The following OSGEPL1 variants were observed in gnomAD, a reference collection of about 807,000 sequenced individuals.
The protein encoded by OSGEPL1 is tRNA N6-adenosine threonylcarbamoyltransferase, mitochondrial.
In OSGEPL1, 26 loss-of-function variants were observed where a neutral mutation model predicts 37.2. The observed-to-expected ratio is 0.70, with a 90% CI of 0.51 to 0.97. The LOEUF (loss-of-function observed/expected upper bound fraction) is 0.97. OSGEPL1 is among the 50% of genes least tolerant of loss of function. OSGEPL1 has a pLI of 0.00. For synonymous variants in OSGEPL1, 140 were observed against 159.9 expected (o/e 0.88, Z 0.94); for missense variants, 404 against 487.0 (o/e 0.83, Z 1.60).
At chr2:189,749,244 TAAAAA>T (rs397987026) in intron 8 of OSGEPL1, among the ~76,000 whole-genome samples, 3 of 63,254 alleles carry the variant, frequency 4.7e-5, no homozygotes, top group Non-Finnish European at 8.0e-5. Flanking sequence ...AGACTCTGTC[TAAAAA>T]AAAAAAAAAA....
chr2:189,750,776 G>T, intron 7 of OSGEPL1, 120 bp from the exon 8 acceptor site: 1 of 663,402 alleles, frequency 1.5e-6, no homozygotes, highest in Non-Finnish European at 2.4e-6. Context: ...CATCATATGT[G>T]GTGATGATTC....
chr2:189,762,616 G>A (rs1020404117), intron 1 of OSGEPL1, 69 bp downstream of exon 1: 3 of 985,448 alleles, frequency 3.0e-6, no homozygotes, highest in Non-Finnish European at 3.6e-6. Context: ...GGCGACGGGC[G>A]CAAACTGGAA....
Position 189,750,566 on chromosome 2 carries a change from GA to G in OSGEPL1, c.*11del. On this transcript the variant is annotated 3_prime_UTR_variant, in exon 8 of 9. Coordinates refer to ENST00000264151, the MANE Select transcript of OSGEPL1 (RefSeq NM_022353.3). The stretch of plus-strand genomic sequence containing the variant: ...TAATACTACCTTTAGGGACTTTTTT[GA>G]ACAGCAGAAATCATATCTCCATTTT... The G allele has an allele frequency of 6.7e-7, 1 of 1,482,506 alleles. No individual in the cohort carries two copies. Among genetic ancestry groups the G allele is most frequent in the Non-Finnish European group, 9.3e-7 (1 of 1,078,190 alleles). The allele number at this position is 1,482,506 out of a possible 1,614,324, so 91.8% of individuals were successfully genotyped here.
chr2:189,759,693 A>C (rs894266079), intron 2 of OSGEPL1, among the ~76,000 whole-genome samples: 1 of 152,134 alleles, frequency 6.6e-6, no homozygotes, highest in Admixed American at 6.5e-5. Context: ...CACTATTCAG[A>C]TGTTGTAAAT....
chr2:189,753,768 T>TA, intron 5 of OSGEPL1, 148 bp downstream of exon 5: 2 of 827,470 alleles, frequency 2.4e-6, no homozygotes, highest in Non-Finnish European at 3.6e-6. Flanking sequence ...AAATGGCTGT[T>TA]AGTCTTTCCT....
intron 1 of OSGEPL1, 88 bp downstream of exon 1, chr2:189,762,597 C>T (rs1352069682): frequency 2.0e-6 from 2 of 985,340 alleles, no homozygotes; most frequent in Non-Finnish European, 2.4e-6. Flanking sequence ...CTCCTGTCGG[C>T]TGTAAGGCGG....
At chr2:189,750,413 A>G in intron 8 of OSGEPL1, 137 bp downstream of exon 8, 1 of 487,414 alleles carries the variant, frequency 2.1e-6, no homozygotes. Context: ...CTTTTAACAC[A>G]TTATAGTATC....
chr2:189,751,535 C>T (rs139896291), intron 7 of OSGEPL1, among the ~76,000 whole-genome samples: 5 of 149,402 alleles, frequency 3.3e-5, no homozygotes, highest in East Asian at 2.0e-4. Flanking sequence ...ACCTCCACCT[C>T]GAGGATTCAG....
chr2:189,752,354 T>C (rs2045400562), intron 7 of OSGEPL1, among the ~76,000 whole-genome samples: 1 of 152,146 alleles, frequency 6.6e-6, no homozygotes, highest in African/African-American at 2.4e-5. Context: ...GTTCTTGACA[T>C]TGCAAAAGTC....
In OSGEPL1 at chr2:189,753,776, C is replaced by A. The variant is rs1049567859; in HGVS notation, c.963+140G>T. ...GTACAAGAAATGGCTGTTAGTCTTT[C>A]CTATCCTGCATAATTTCATACTGTC... On this transcript the variant is annotated intron_variant, in intron 5 of 8. Transcript: ENST00000264151. 2.3e-5 allele frequency: 21 copies of A among 929,768 alleles called. No individual in the cohort carries two copies. The African/African-American group carries it at 3.2e-4, about 14-fold the overall frequency. The allele number at this position is 929,768 out of a possible 1,614,324, so 57.6% of individuals were successfully genotyped here.
chr2:189,752,607 C>G (rs1042737427), intron 7 of OSGEPL1, 46 bp downstream of exon 7: 4 of 1,594,998 alleles, frequency 2.5e-6, no homozygotes, highest in African/African-American at 2.7e-5. Context: ...CAGGCTTTGT[C>G]TTAAGTAATG....
chr2:189,755,057 A>G, intron 3 of OSGEPL1, 116 bp downstream of exon 3: 1 of 1,247,232 alleles, frequency 8.0e-7, no homozygotes, highest in Admixed American at 2.9e-5. Flanking sequence ...AATTTTTTTC[A>G]GTTTACTAAG....
In OSGEPL1 at chr2:189,750,918, A is replaced by G. The variant is rs573433550; in HGVS notation, c.1167-262T>C. On this transcript the variant is annotated intron_variant, in intron 7 of 8. Transcript: ENST00000264151. Reference sequence around the variant, plus strand: ...GTTCTCAAATACTGTAAATAAGTTAAAAACATAAAATGAAATATAAAAATA... The same window carrying G: ...GTTCTCAAATACTGTAAATAAGTTAGAAACATAAAATGAAATATAAAAATA... Among the ~76,000 whole-genome samples the G allele has an allele frequency of 2.0e-5, 3 of 152,370 alleles. No homozygotes were observed. In the South Asian group the frequency reaches 6.2e-4, roughly 32 times the overall value.
Position 189,761,464 on chromosome 2 carries a change from A to C in OSGEPL1, c.177T>G (p.Asn59Lys), listed in dbSNP as rs1313036946. 1.2e-6 allele frequency: 2 copies of C among 1,612,700 alleles called. No homozygotes were observed. Among genetic ancestry groups the C allele is most frequent in the Non-Finnish European group, 1.7e-6 (2 of 1,179,512 alleles). Residue 59 changes from asparagine (N) to lysine (K), a missense_variant, in exon 2 of 9, where the codon AAT becomes AAG. Transcript: ENST00000264151. Reference sequence around the variant, plus strand: ...GGGAATGTATTGCTTCTCCCAACACATTTCCAGTTTCATCCACCACAGCAG... The same window carrying C: ...GGGAATGTATTGCTTCTCCCAACACCTTTCCAGTTTCATCCACCACAGCAG... Reference protein sequence around the residue: ...TAAAVVDETGNVLGEAIHSQT... With the variant: ...TAAAVVDETGKVLGEAIHSQT...
intron 1 of OSGEPL1, chr2:189,762,404 A>G: frequency 5.3e-6 from 1 of 187,800 alleles, no homozygotes; most frequent in Non-Finnish European, 1.0e-5. Context: ...ACGGCATCCC[A>G]GGGATTAGAG....
intron 2 of OSGEPL1, among the ~76,000 whole-genome samples, chr2:189,755,895 A>AT: frequency 6.6e-6 from 1 of 152,328 alleles, no homozygotes; most frequent in African/African-American, 2.4e-5. Flanking sequence ...AGGAAAATTA[A>AT]TTTCCTTGCT....
Position 189,762,741 on chromosome 2 carries a change from G to T in OSGEPL1, c.-77C>A, listed in dbSNP as rs1338613736. 2 of 985,464 alleles carry T rather than the reference G, an allele frequency of 2.0e-6. No homozygotes were observed. The highest frequency in any genetic ancestry group is 1.7e-5 in the African/African-American group (1 of 57,330). 61.0% of individuals were successfully genotyped at this position (985,464 alleles called of 1,614,324 possible). The stretch of plus-strand genomic sequence containing the variant: ...TCTCCTTTCCCTACTAAAGACTGTC[G>T]ACTGCCCTTATCGCTGCAGGAGAAA... On this transcript the variant is annotated 5_prime_UTR_variant, in exon 1 of 9. Transcript: ENST00000264151.
rs1384333820 is a variant in OSGEPL1 at position 189,761,543 on chromosome 2, A to G, written c.98T>C (p.Leu33Pro). 1.2e-6 allele frequency: 2 copies of G among 1,612,106 alleles called. No homozygotes were observed. Among genetic ancestry groups the G allele is most frequent in the Non-Finnish European group, 1.7e-6 (2 of 1,179,356 alleles). The part of the protein sequence containing the change: ...LRSFNFHPGT[L>P]FLHKIVLGIE... ...TCCCAATACTATTTTATGAAGAAATAGTGTTCCAGGATGAAAATTAAAACT... is the reference window on the plus strand; with the variant it reads ...TCCCAATACTATTTTATGAAGAAATGGTGTTCCAGGATGAAAATTAAAACT... The change falls in exon 2 of 9, where the codon CTA becomes CCA. Residue 33 changes from leucine (L) to proline (P), a missense_variant. Transcript: ENST00000264151.
chr2:189,750,472 G>A (rs1487517878), intron 8 of OSGEPL1, 78 bp downstream of exon 8: 1 of 587,592 alleles, frequency 1.7e-6, no homozygotes, highest in Admixed American at 3.6e-5. Flanking sequence ...ATAAAATCTT[G>A]ATGAATAATT....
Sources: allele counts gnomAD v4.1 joint callset (sites outside exome capture counted in the v4.1 genomes callset), GRCh38; gene constraint gnomAD v4.1.1; transcripts MANE v1.5; gene names NCBI Gene and HGNC (gene_info 2026-07-23, HGNC 2026-07-21).